Variants in SGIP1 observed in about 807,000 individuals in gnomAD.
SGIP1 encodes the protein SH3-containing GRB2-like protein 3-interacting protein 1.
A neutral mutation model predicts 107.5 loss-of-function variants in SGIP1; 38 were observed. The observed-to-expected ratio is 0.35, with a 90% CI of 0.27 to 0.46. The LOEUF (loss-of-function observed/expected upper bound fraction) is 0.46. Among genes scored for constraint, SGIP1 ranks in the 20% least tolerant of loss-of-function variants. SGIP1 has a pLI of 1.00. For missense variants in SGIP1, 929 were observed against 1,019.5 expected, an observed-to-expected ratio of 0.91 and a Z score of 1.21; for synonymous variants, 365 against 366.1, an observed-to-expected ratio of 1.00 and a Z score of 0.03.
chr1:66,661,873 T>A (rs935179139), intron 8 of SGIP1, among the ~76,000 whole-genome samples: 2 of 152,072 alleles, frequency 1.3e-5, no homozygotes, highest in Non-Finnish European at 2.9e-5. Flanking sequence ...ATCCCCCCCA[T>A]CATTCCCTCA....
intron 1 of SGIP1, among the ~76,000 whole-genome samples, chr1:66,588,101 T>G (rs1352194537): frequency 6.6e-6 from 1 of 152,158 alleles, no homozygotes; most frequent in Non-Finnish European, 1.5e-5. Context: ...TATGGAAGTA[T>G]GCTCTGTTTG....
chr1:66,703,915 C>A (rs1292841912), intron 18 of SGIP1, among the ~76,000 whole-genome samples: 1 of 151,634 alleles, frequency 6.6e-6, no homozygotes, highest in Non-Finnish European at 1.5e-5. Flanking sequence ...TATGCATGAG[C>A]TCTGGAATAA....
intron 18 of SGIP1, among the ~76,000 whole-genome samples, chr1:66,701,395 TG>T (rs1267002909): frequency 6.6e-6 from 1 of 152,170 alleles, no homozygotes; most frequent in East Asian, 1.9e-4. Flanking sequence ...AGTACCAGGT[TG>T]GGGAAACAAT....
At chr1:66,655,173 A>G (rs150717888) in intron 7 of SGIP1, among the ~76,000 whole-genome samples, 161 of 152,024 alleles carry the variant, frequency 1.1e-3, no homozygotes, top group African/African-American at 3.7e-3. Flanking sequence ...GTAAAGCCAA[A>G]ATCTTCACGG....
At chr1:66,687,498 G>A (rs955207852) in intron 15 of SGIP1, among the ~76,000 whole-genome samples, 1 of 151,996 alleles carries the variant, frequency 6.6e-6, no homozygotes, top group Non-Finnish European at 1.5e-5. Flanking sequence ...TATATTGAGA[G>A]AGAGATGTGC....
chr1:66,600,135 T>A (rs1383717125), intron 1 of SGIP1, among the ~76,000 whole-genome samples: 1 of 152,194 alleles, frequency 6.6e-6, no homozygotes, highest in Non-Finnish European at 1.5e-5. Context: ...CATGCAGCCT[T>A]ATGAACAGCA....
intron 11 of SGIP1, among the ~76,000 whole-genome samples, chr1:66,672,867 C>A (rs2084166222): frequency 6.6e-6 from 1 of 151,870 alleles, no homozygotes; most frequent in Non-Finnish European, 1.5e-5. Context: ...TTATAAATTG[C>A]ATTAACTACA....
chr1:66,560,817 A>C (rs2148442980), intron 1 of SGIP1, among the ~76,000 whole-genome samples: 1 of 152,220 alleles, frequency 6.6e-6, no homozygotes, highest in South Asian at 2.1e-4. Flanking sequence ...ACCTTAGGCA[A>C]GTTCTTAAGC....
intron 1 of SGIP1, among the ~76,000 whole-genome samples, chr1:66,581,856 A>T (rs1313760090): frequency 6.6e-6 from 1 of 152,154 alleles, no homozygotes. Flanking sequence ...TTACTTCAAC[A>T]AATGAAGACA....
rs998687497 is a variant in SGIP1 at position 66,744,024 on chromosome 1, C to G, written c.*929C>G. ...GGTTAAGAATTTTTGCTTAGTTACT[C>G]TGAATAGATGATCTTACTCATCCAG... is the stretch of plus-strand genomic sequence containing the variant. On this transcript the variant is annotated 3_prime_UTR_variant, in exon 25 of 25. Coordinates refer to ENST00000371037, the MANE Select transcript of SGIP1 (RefSeq NM_032291.4). 1.3e-5 allele frequency: 2 copies of G among 152,084 alleles called. No homozygotes were observed. The highest frequency in any genetic ancestry group is 3.8e-4 in the East Asian group (2 of 5,198). 9.4% of individuals were successfully genotyped at this position (152,084 alleles called of 1,614,324 possible).
At chr1:66,632,766 G>T (rs540541538) in intron 2 of SGIP1, among the ~76,000 whole-genome samples, 1 of 152,286 alleles carries the variant, frequency 6.6e-6, no homozygotes, top group African/African-American at 2.4e-5. Context: ...TTTAAATGGA[G>T]CCAGCTAGAG....
chr1:66,688,408 T>C (rs1458953848), intron 15 of SGIP1, among the ~76,000 whole-genome samples: 1 of 152,226 alleles, frequency 6.6e-6, no homozygotes, highest in East Asian at 1.9e-4. Flanking sequence ...CTGTGTTTCA[T>C]ACGTTTGTCA....
chr1:66,735,509 A>C (rs1250341540), intron 21 of SGIP1, among the ~76,000 whole-genome samples: 1 of 152,070 alleles, frequency 6.6e-6, no homozygotes, highest in African/African-American at 2.4e-5. Context: ...ATCAACTTTT[A>C]AATATTCCAC....
chr1:66,651,613 G>T (rs955919403), intron 7 of SGIP1, among the ~76,000 whole-genome samples: 1 of 152,100 alleles, frequency 6.6e-6, no homozygotes, highest in Non-Finnish European at 1.5e-5. Context: ...CCAGCCCAAA[G>T]GGCCCACCTC....
intron 18 of SGIP1, among the ~76,000 whole-genome samples, chr1:66,716,418 A>G (rs558238474): frequency 6.6e-6 from 1 of 152,288 alleles, no homozygotes; most frequent in South Asian, 2.1e-4. Flanking sequence ...CATTCCCTTT[A>G]TATACCAATA....
chr1:66,743,068 T>C lies in SGIP1; in HGVS notation c.2465-5T>C. On this transcript the variant is annotated splice_polypyrimidine_tract_variant and splice_region_variant and intron_variant, in intron 24 of 24. Transcript: ENST00000371037. ...AACCTGTTGACATGCTGTTTTGTTTTGCAGGAAAATACTTGGCAGATAACT... is the reference window on the plus strand; with the variant it reads ...AACCTGTTGACATGCTGTTTTGTTTCGCAGGAAAATACTTGGCAGATAACT... 1 of 1,613,670 alleles carries C rather than the reference T, an allele frequency of 6.2e-7. No individual in the cohort carries two copies. Among genetic ancestry groups the C allele is most frequent in the East Asian group, 2.2e-5 (1 of 44,814 alleles).
intron 1 of SGIP1, among the ~76,000 whole-genome samples, chr1:66,578,660 C>T (rs1181138319): frequency 6.6e-6 from 1 of 152,080 alleles, no homozygotes; most frequent in Non-Finnish European, 1.5e-5. Flanking sequence ...CAAATGGACT[C>T]ACTGGTTCAA....
Position 66,604,334 on chromosome 1 carries a change from G to A in SGIP1, c.11-21513G>A, listed in dbSNP as rs139847701. 1.7e-3 allele frequency among the ~76,000 whole-genome samples: 256 copies of A among 152,162 alleles called. 5 individuals carry two copies. In the South Asian group the frequency reaches 0.039, roughly 23 times the overall value. On this transcript the variant is annotated intron_variant, in intron 1 of 24. Coordinates refer to ENST00000371037, the MANE Select transcript of SGIP1 (RefSeq NM_032291.4). ...AATGCACCAGCAAAAGGAAGATGCC[G>A]AAATAATGAATGAAAAAGCATTTCC... is the stretch of plus-strand genomic sequence containing the variant.
chr1:66,569,739 A>G (rs1338344347), intron 1 of SGIP1, among the ~76,000 whole-genome samples: 1 of 151,804 alleles, frequency 6.6e-6, no homozygotes, highest in Non-Finnish European at 1.5e-5. Context: ...TTTTGTCCTC[A>G]TAAATGAGTT....
Sources: gnomAD v4.1 joint callset for allele counts (sites outside exome capture counted in the v4.1 genomes callset) on GRCh38, gnomAD v4.1.1 for gene constraint, MANE v1.5 for transcripts, NCBI Gene and HGNC (gene_info 2026-07-23, HGNC 2026-07-21) for gene names.